MYB: variants seen among roughly 807,000 people sequenced by gnomAD.
MYB encodes the protein transcriptional activator Myb.
MYB carries 28 observed loss-of-function variants against 92.9 expected under a neutral mutation model. That is an observed-to-expected ratio of 0.30 (90% CI 0.22 to 0.41). MYB has a LOEUF of 0.41. Among genes scored for constraint, MYB ranks in the 10% least tolerant of loss-of-function variants. The probability of loss-of-function intolerance (pLI) is 1.00; values close to 1 mark genes in which losing one functional copy is unlikely to be tolerated. For missense variants in MYB, 679 were observed against 929.3 expected, an observed-to-expected ratio of 0.73 and a Z score of 3.50; for synonymous variants, 295 against 329.1, an observed-to-expected ratio of 0.90 and a Z score of 1.12.
chr6:135,200,455 C>A, intron 13 of MYB, 40 bp downstream of exon 13: 1 of 1,612,762 alleles, frequency 6.2e-7, no homozygotes, highest in African/African-American at 1.3e-5. Flanking sequence ...GCTGAGAATC[C>A]TGCCCCCTTT....
At chr6:135,194,938 CTT>C (rs890451342) in intron 8 of MYB, 7 of 1,313,810 alleles carry the variant, frequency 5.3e-6, no homozygotes, top group Non-Finnish European at 7.0e-6. Context: ...TAGCTGCTCT[CTT>C]TTATTTGCAT....
chr6:135,195,433 G>C (rs747729352), intron 8 of MYB: 9 of 332,668 alleles, frequency 2.7e-5, no homozygotes, highest in African/African-American at 1.0e-4. Flanking sequence ...ATGGACCTTT[G>C]GCAAATTATA....
chr6:135,209,108 C>T (rs894332033), intron 15 of MYB, among the ~76,000 whole-genome samples: 1 of 152,214 alleles, frequency 6.6e-6, no homozygotes, highest in Non-Finnish European at 1.5e-5. Flanking sequence ...TCCTTACTCT[C>T]TTACTGGAAT....
At chr6:135,213,138 G>T (rs898189882) in intron 15 of MYB, among the ~76,000 whole-genome samples, 4 of 152,148 alleles carry the variant, frequency 2.6e-5, no homozygotes, top group African/African-American at 4.8e-5. Flanking sequence ...ACACACAGTG[G>T]TTCTCGTACA....
chr6:135,218,094 T>C lies in MYB; in HGVS notation c.*114T>C. 11 of 831,860 alleles carry C rather than the reference T, an allele frequency of 1.3e-5. No individual in the cohort carries two copies. The highest frequency in any genetic ancestry group is 1.6e-5 in the Non-Finnish European group (8 of 493,580). 51.5% of individuals were successfully genotyped at this position (831,860 alleles called of 1,614,324 possible). On this transcript the variant is annotated 3_prime_UTR_variant, in exon 16 of 16. Transcript: ENST00000341911. The stretch of plus-strand genomic sequence containing the variant: ...GGAGAAGAACCTATTTTTGTTGTGG[T>C]ACAACAGTTGAGAGCAGCACCAAGT...
chr6:135,215,319 T>G (rs1780285003), intron 15 of MYB, among the ~76,000 whole-genome samples: 1 of 152,200 alleles, frequency 6.6e-6, no homozygotes, highest in Non-Finnish European at 1.5e-5. Context: ...AAGGCCCTGG[T>G]GCCCTGAGCA....
chr6:135,192,048 T>G (rs979227737), intron 5 of MYB, among the ~76,000 whole-genome samples: 2 of 152,204 alleles, frequency 1.3e-5, no homozygotes, highest in African/African-American at 4.8e-5. Flanking sequence ...CGTTATCGTA[T>G]TGAAAATACT....
chr6:135,218,334 G>C lies in MYB; in HGVS notation c.*354G>C. 1 of 271,466 alleles carries C rather than the reference G, an allele frequency of 3.7e-6. No homozygotes were observed. The highest frequency in any genetic ancestry group is 7.0e-6 in the Non-Finnish European group (1 of 141,904). 16.8% of individuals were successfully genotyped at this position (271,466 alleles called of 1,614,324 possible). ...TCCTGTGATGGGTTTTTTGAAATTTGACACATTAAAAGGTACTCCAGTATT... is the reference window on the plus strand; with the variant it reads ...TCCTGTGATGGGTTTTTTGAAATTTCACACATTAAAAGGTACTCCAGTATT... On this transcript the variant is annotated 3_prime_UTR_variant, in exon 16 of 16. Coordinates refer to ENST00000341911, the MANE Select transcript of MYB (RefSeq NM_001130173.2).
intron 15 of MYB, among the ~76,000 whole-genome samples, chr6:135,212,224 CTTTTTTTTTTTTTTTTTT>C (rs545704827): frequency 7.0e-4 from 23 of 32,890 alleles, no homozygotes; most frequent in African/African-American, 2.4e-3. Context: ...TTTGGTTTTA[CTTTTTTTTTTTTTTTTTT>C]TTTTTTTTTT....
rs546715628 is a variant in MYB at position 135,187,430 on chromosome 6, A to G, written c.142-404A>G. On this transcript the variant is annotated intron_variant, in intron 2 of 15. Coordinates refer to ENST00000341911, the MANE Select transcript of MYB (RefSeq NM_001130173.2). Reference sequence around the variant, plus strand: ...TCCTAACAGAGTAAAGCAGTTATTTATAATAAACACTCAATATATGCCAGG... The same window carrying G: ...TCCTAACAGAGTAAAGCAGTTATTTGTAATAAACACTCAATATATGCCAGG... Among the ~76,000 whole-genome samples the G allele has an allele frequency of 7.4e-4, 112 of 152,350 alleles. 1 individual carries two copies. Among genetic ancestry groups the G allele is most frequent in the African/African-American group, 2.6e-3 (110 of 41,578 alleles).
chr6:135,192,588 G>A (rs368362085), intron 6 of MYB, 30 bp downstream of exon 6: 2 of 1,590,468 alleles, frequency 1.3e-6, no homozygotes, highest in South Asian at 1.1e-5. Flanking sequence ...CTAGTTTAAT[G>A]AGAGAGACGG....
chr6:135,182,280 G>C lies in MYB; in HGVS notation c.23+744G>C, dbSNP rs539792856. ...GTGCAGTCCCTTCACATTTTTGGCC[G>C]GACAGATGGGAAGAGGGAGAGGAGG... On this transcript the variant is annotated intron_variant, in intron 1 of 15. Coordinates refer to ENST00000341911, the MANE Select transcript of MYB (RefSeq NM_001130173.2). This position sits in a 1 kb window ranked among gnomAD's most constrained non-coding sequence, Gnocchi z 5.6. Among the ~76,000 whole-genome samples the C allele has an allele frequency of 6.6e-6, 1 of 152,164 alleles. No homozygotes were observed. Among genetic ancestry groups the C allele is most frequent in the African/African-American group, 2.4e-5 (1 of 41,430 alleles).
chr6:135,205,600 A>C (rs1481632780), intron 15 of MYB, among the ~76,000 whole-genome samples: 1 of 152,218 alleles, frequency 6.6e-6, no homozygotes, highest in African/African-American at 2.4e-5. Context: ...AGTGAGTCAT[A>C]TTGGCACTTT....
chr6:135,210,076 A>G (rs1201181287), intron 15 of MYB, among the ~76,000 whole-genome samples: 1 of 152,204 alleles, frequency 6.6e-6, no homozygotes, highest in Non-Finnish European at 1.5e-5. Flanking sequence ...GCAAGGAGAA[A>G]AGAGTTGCCT....
At position 135,215,023 on chromosome 6, in the gene MYB, A is replaced by G. The variant is rs55806503; in HGVS notation, c.2170-2841A>G. On this transcript the variant is annotated intron_variant, in intron 15 of 15. Transcript: ENST00000341911. ...AAATATTATGATAATCCATCTTGCT[A>G]TGTAGTATTTCAAGTTATATGTTGA... 2.0e-5 allele frequency among the ~76,000 whole-genome samples: 3 copies of G among 152,184 alleles called. No individual in the cohort carries two copies. In the South Asian group the frequency reaches 6.2e-4, roughly 31 times the overall value.
intron 15 of MYB, among the ~76,000 whole-genome samples, chr6:135,204,430 C>T (rs1050041699): frequency 6.6e-6 from 1 of 152,126 alleles, no homozygotes; most frequent in South Asian, 2.1e-4. Context: ...TCCCAATTAG[C>T]TGGAATTACA....
In MYB at chr6:135,199,180, C is replaced by G. The variant is rs1777728981; in HGVS notation, c.1709+130C>G. On this transcript the variant is annotated intron_variant, in intron 11 of 15. Coordinates refer to ENST00000341911, the MANE Select transcript of MYB (RefSeq NM_001130173.2). ...ACTGACCATTTATATATAATCATGT[C>G]TATTCCCACATTGAATATATCTGTC... The G allele has an allele frequency of 8.3e-6, 6 of 724,028 alleles. No homozygotes were observed. In the South Asian group the frequency reaches 1.3e-4, roughly 16 times the overall value. 44.9% of individuals were successfully genotyped at this position (724,028 alleles called of 1,614,324 possible). A position where few individuals can be genotyped will look rare whatever the true frequency, so the allele number is the denominator to read the frequency against.
At chr6:135,183,732 C>T (rs753121560) in intron 1 of MYB, among the ~76,000 whole-genome samples, 6 of 152,198 alleles carry the variant, frequency 3.9e-5, no homozygotes, top group Admixed American at 1.3e-4. Flanking sequence ...CGTCCTGGCC[C>T]CTTCAGGTCC....
intron 3 of MYB, 65 bp downstream of exon 3, chr6:135,187,970 C>A: frequency 2.5e-6 from 3 of 1,209,566 alleles, no homozygotes; most frequent in Non-Finnish European, 3.6e-6. Context: ...ATAAAATATT[C>A]TAGGAGGAGT....
Sources: allele counts gnomAD v4.1 joint callset (sites outside exome capture counted in the v4.1 genomes callset), GRCh38; gene constraint gnomAD v4.1.1; non-coding constraint Gnocchi (gnomAD v3.1); transcripts MANE v1.5; gene names NCBI Gene and HGNC (gene_info 2026-07-23, HGNC 2026-07-21).